Variants in ADGRE3 observed in about 807,000 individuals in gnomAD.
The protein encoded by ADGRE3 is adhesion G protein-coupled receptor E3.
ADGRE3 carries 88 observed loss-of-function variants against 80.1 expected under a neutral mutation model. That is an observed-to-expected ratio of 1.10 (90% CI 0.93 to 1.31). The LOEUF is 1.31. ADGRE3 is among the 40% of genes most tolerant of loss of function. ADGRE3 has a pLI of 0.00. For synonymous variants in ADGRE3, 281 were observed against 294.8 expected, an observed-to-expected ratio of 0.95 and a Z score of 0.48; for missense variants, 715 against 776.5, an observed-to-expected ratio of 0.92 and a Z score of 0.94.
chr19:14,636,092 T>TTC (rs773295558), intron 11 of ADGRE3, among the ~76,000 whole-genome samples: 6 of 37,290 alleles, frequency 1.6e-4, no homozygotes, highest in Middle Eastern at 0.01. Context: ...CTTTCTTTCT[T>TTC]TCTTTCTTTC....
chr19:14,663,351 C>A, intron 3 of ADGRE3, 67 bp downstream of exon 3: 2 of 1,055,484 alleles, frequency 1.9e-6, no homozygotes, highest in Non-Finnish European at 2.5e-6. Flanking sequence ...GGCAACAGAG[C>A]AAGACCCTGT....
chr19:14,663,684 C>A lies in ADGRE3; in HGVS notation c.77-144G>T, dbSNP rs925897471. Reference sequence around the variant, plus strand: ...TGAAACCCCATTTCTACTAAAAATACCAAAAATAGCCAGGCGTGGTGGTGC... The same window carrying A: ...TGAAACCCCATTTCTACTAAAAATAACAAAAATAGCCAGGCGTGGTGGTGC... On this transcript the variant is annotated intron_variant, in intron 2 of 15. Coordinates refer to ENST00000253673, the MANE Select transcript of ADGRE3 (RefSeq NM_032571.5). The A allele has an allele frequency of 1.5e-5, 14 of 923,312 alleles. No individual in the cohort carries two copies. In the East Asian group the frequency reaches 1.8e-4, roughly 12 times the overall value. The allele number at this position is 923,312 out of a possible 1,614,324, so 57.2% of individuals were successfully genotyped here. A position where few individuals can be genotyped will look rare whatever the true frequency, so the allele number is the denominator to read the frequency against.
chr19:14,663,744 C>A (rs547788427), intron 2 of ADGRE3, among the ~76,000 whole-genome samples: 16 of 152,088 alleles, frequency 1.1e-4, no homozygotes, highest in African/African-American at 3.6e-4. Context: ...GAGGCTGAGG[C>A]AGGAGAATTG....
At chr19:14,655,659 G>T (rs1971734447) in intron 5 of ADGRE3, among the ~76,000 whole-genome samples, 1 of 151,552 alleles carries the variant, frequency 6.6e-6, no homozygotes, top group Non-Finnish European at 1.5e-5. Flanking sequence ...ACAGGGTCTT[G>T]CTATGTTGCC....
rs1219735629 is a variant in ADGRE3, at chr19:14,647,202, C to T, written c.861G>A (p.Thr287=). 4.3e-6 allele frequency: 7 copies of T among 1,613,652 alleles called. No individual in the cohort carries two copies. In the South Asian group the frequency reaches 4.4e-5, roughly 10 times the overall value. ...KRNVSLSKSV[T]LTFQHVKMTP... is the part of the protein sequence containing the mutation. ...CCACCTTCACGTGCTGGAAAGTCAG[C>T]GTCACAGACTTGGAGAGAGACACGT... is the stretch of plus-strand genomic sequence containing the variant. The change falls in exon 8 of 16, where the codon ACG becomes ACA. Residue 287 remains threonine (T), a synonymous_variant. Transcript: ENST00000253673.
At position 14,644,094 on chromosome 19, in the gene ADGRE3, C is replaced by A; in HGVS notation, c.1050+14G>T. The A allele has an allele frequency of 7.0e-7, 1 of 1,429,430 alleles. No individual in the cohort carries two copies. Among genetic ancestry groups the A allele is most frequent in the South Asian group, 1.5e-5 (1 of 66,468 alleles). The allele number at this position is 1,429,430 out of a possible 1,614,324, so 88.5% of individuals were successfully genotyped here. On this transcript the variant is annotated intron_variant, in intron 9 of 15. Coordinates refer to ENST00000253673, the MANE Select transcript of ADGRE3 (RefSeq NM_032571.5). The stretch of plus-strand genomic sequence containing the variant: ...GAAAGTATTTGCTGGAAGAATAAAA[C>A]ATATACATCATACCTGGCTGGTCAG...
At chr19:14,616,986 T>C (rs984488648), downstream of ADGRE3, among the ~76,000 whole-genome samples, 5 of 149,590 alleles carry the variant, frequency 3.3e-5, no homozygotes, top group African/African-American at 1.2e-4. Context: ...GTAGAGAGGG[T>C]GTTTCTCCAT....
chr19:14,629,201 G>A (rs1433713919), intron 14 of ADGRE3, among the ~76,000 whole-genome samples: 2 of 152,220 alleles, frequency 1.3e-5, no homozygotes, highest in Non-Finnish European at 2.9e-5. Flanking sequence ...TGGGATTACA[G>A]GCGTGAGCCA....
chr19:14,613,505 G>A, the ADGRE3 span, among the ~76,000 whole-genome samples: 1 of 150,666 alleles, frequency 6.6e-6, no homozygotes. Context: ...TACAAGGATT[G>A]CGATCAATTT....
chr19:14,667,863 G>A (rs926967105), intron 2 of ADGRE3, among the ~76,000 whole-genome samples: 2 of 152,118 alleles, frequency 1.3e-5, no homozygotes, highest in African/African-American at 4.8e-5. Flanking sequence ...GCCATTACTA[G>A]GTGTACAGTT....
At chr19:14,666,223 T>C (rs1282857506) in intron 2 of ADGRE3, among the ~76,000 whole-genome samples, 2 of 151,872 alleles carry the variant, frequency 1.3e-5, no homozygotes, top group South Asian at 2.1e-4. Flanking sequence ...CCACCAATAG[T>C]GTAAAGTGTT....
downstream of ADGRE3, among the ~76,000 whole-genome samples, chr19:14,617,131 G>C (rs2075079175): frequency 6.6e-6 from 1 of 152,006 alleles, no homozygotes; most frequent in Non-Finnish European, 1.5e-5. Flanking sequence ...GAGGAGGAGA[G>C]ATAGAGTGGC....
chr19:14,634,182 A>C (rs980608229), intron 11 of ADGRE3, among the ~76,000 whole-genome samples: 1 of 152,180 alleles, frequency 6.6e-6, no homozygotes, highest in Non-Finnish European at 1.5e-5. Context: ...ATTTTATGAA[A>C]ATTTTATGAA....
At position 14,620,539 on chromosome 19, in the gene ADGRE3, A is replaced by T. The variant is rs868146482; in HGVS notation, c.1921-1068T>A. On this transcript the variant is annotated intron_variant, in intron 15 of 15. Transcript: ENST00000253673. ...GACTATATATGAATATATATATTTT[A>T]TATATATATTATATATATATATATA... Among the ~76,000 whole-genome samples the T allele has an allele frequency of 5.6e-4, 8 of 14,188 alleles. 1 individual carries two copies. Among genetic ancestry groups the T allele is most frequent in the African/African-American group, 8.8e-4 (2 of 2,274 alleles). The allele number at this position is 14,188 out of a possible 152,430, so 9.3% of individuals were successfully genotyped here.
chr19:14,620,540 TATATATATTA>T (rs1568471405), intron 15 of ADGRE3, among the ~76,000 whole-genome samples: 4 of 16,210 alleles, frequency 2.5e-4, no homozygotes, highest in African/African-American at 1.5e-3. Context: ...ATATATTTTA[TATATATATTA>T]TATATATATA....
the ADGRE3 span, among the ~76,000 whole-genome samples, chr19:14,600,623 C>T: frequency 6.6e-6 from 1 of 151,680 alleles, no homozygotes; most frequent in Admixed American, 6.6e-5. Context: ...GCTCTTTCAC[C>T]CAGGCTGGAG....
chr19:14,644,044 C>A, intron 9 of ADGRE3, 64 bp downstream of exon 9: 119 of 894,560 alleles, frequency 1.3e-4, no homozygotes, highest in Non-Finnish European at 1.5e-4. Context: ...TTTAATAGCA[C>A]TTATTACCAC....
intron 7 of ADGRE3, 110 bp from the exon 8 acceptor site, chr19:14,647,475 G>A: frequency 2.3e-6 from 2 of 869,046 alleles, no homozygotes; most frequent in Non-Finnish European, 3.4e-6. Context: ...GGAGTGCAGT[G>A]GCGTGATCTT....
chr19:14,669,089 A>G (rs1445839885), intron 1 of ADGRE3, among the ~76,000 whole-genome samples: 3 of 152,226 alleles, frequency 2.0e-5, no homozygotes, highest in African/African-American at 7.2e-5. Context: ...AGAAATCATT[A>G]TATAAAAAAG....
Sources: gnomAD v4.1 joint callset for allele counts (sites outside exome capture counted in the v4.1 genomes callset) on GRCh38, gnomAD v4.1.1 for gene constraint, MANE v1.5 for transcripts, NCBI Gene and HGNC (gene_info 2026-07-23, HGNC 2026-07-21) for gene names.